The following ADGRL3 variants were observed in gnomAD, a reference collection of about 807,000 sequenced individuals.
ADGRL3 encodes the protein calcium-independent alpha-latrotoxin receptor 3.
Under a neutral mutation model 153.5 loss-of-function variants are expected in ADGRL3, and 62 were observed. The ratio of observed to expected loss-of-function variants is 0.40; its 90% CI spans 0.33 to 0.50. The LOEUF (loss-of-function observed/expected upper bound fraction) is 0.50. Ranked by LOEUF, ADGRL3 falls within the 20% of genes least tolerant of loss-of-function variation. ADGRL3 has a pLI of 0.47. For missense variants in ADGRL3, 1,641 were observed against 1,859.4 expected (o/e 0.88, Z 2.16); for synonymous variants, 710 against 672.5 (o/e 1.06, Z -0.86).
intron 19 of ADGRL3, among the ~76,000 whole-genome samples, chr4:61,984,506 A>G (rs757872821): frequency 2.6e-5 from 4 of 152,140 alleles, no homozygotes; most frequent in Non-Finnish European, 5.9e-5. Context: ...CTTTGAGATT[A>G]CAGTGAGCTG....
At chr4:61,624,403 T>G (rs2092711961) in intron 5 of ADGRL3, among the ~76,000 whole-genome samples, 1 of 151,962 alleles carries the variant, frequency 6.6e-6, no homozygotes, top group East Asian at 1.9e-4. Context: ...GACTCCTGGG[T>G]TTTTTGGTTT....
chr4:61,236,008 C>CTTTTTTTTTTTTTTT (rs55932029), intron 1 of ADGRL3, among the ~76,000 whole-genome samples: 6 of 95,852 alleles, frequency 6.3e-5, no homozygotes, highest in South Asian at 4.0e-4. Context: ...CTTTTCTTTT[C>CTTTTTTTTTTTTTTT]TTTTTTTTTT....
At chr4:61,856,524 C>A (rs2098266793) in intron 9 of ADGRL3, among the ~76,000 whole-genome samples, 1 of 140,628 alleles carries the variant, frequency 7.1e-6, no homozygotes, top group Admixed American at 7.3e-5. Flanking sequence ...CCCTTTCATT[C>A]CTCCCTCTTT....
rs79519460 is a variant in ADGRL3 at position 61,878,297 on chromosome 4, A to G, written c.1481-14359A>G. 8.0e-3 allele frequency among the ~76,000 whole-genome samples: 1,224 copies of G among 152,338 alleles called. 9 individuals are homozygous for G. The highest frequency in any genetic ancestry group is 0.014 in the Non-Finnish European group (964 of 68,032). On this transcript the variant is annotated intron_variant, in intron 9 of 26. Coordinates refer to ENST00000683033, the MANE Select transcript of ADGRL3 (RefSeq NM_001387552.1). ...GTCACATTCTGAAGTACTCAAGATT[A>G]GAACTTCAATGTATGAATTTTGGGG...
chr4:61,978,494 G>T (rs558561932), intron 17 of ADGRL3, among the ~76,000 whole-genome samples: 99 of 152,118 alleles, frequency 6.5e-4, no homozygotes, highest in Non-Finnish European at 8.5e-4. Context: ...GGTATTTATG[G>T]CTCTTCAAAA....
At chr4:61,813,704 T>A in intron 8 of ADGRL3, 105 bp from the exon 9 acceptor site, 1 of 1,328,784 alleles carries the variant, frequency 7.5e-7, no homozygotes, top group Non-Finnish European at 1.0e-6. Flanking sequence ...TAATTTAGGC[T>A]ATTAATTCAG....
At chr4:61,749,116 C>T (rs2096715903) in intron 8 of ADGRL3, among the ~76,000 whole-genome samples, 1 of 152,080 alleles carries the variant, frequency 6.6e-6, no homozygotes, top group Admixed American at 6.5e-5. Flanking sequence ...AAAATGCTCA[C>T]CATCACTGGC....
intron 1 of ADGRL3, among the ~76,000 whole-genome samples, chr4:61,236,878 G>C (rs896762016): frequency 6.6e-6 from 1 of 152,046 alleles, no homozygotes; most frequent in African/African-American, 2.4e-5. Context: ...TTGTAAATCT[G>C]TCTGGACCTG....
intron 2 of ADGRL3, among the ~76,000 whole-genome samples, chr4:61,479,849 A>G (rs2098113443): frequency 6.6e-6 from 1 of 152,130 alleles, no homozygotes; most frequent in South Asian, 2.1e-4. Context: ...AAAATTATCA[A>G]TTTAATTTTT....
intron 2 of ADGRL3, among the ~76,000 whole-genome samples, chr4:61,463,530 C>T (rs112126782): frequency 1.3e-3 from 200 of 152,252 alleles, no homozygotes; most frequent in African/African-American, 4.6e-3. Flanking sequence ...CCATCAGTCC[C>T]TCCCCCAACA....
intron 2 of ADGRL3, among the ~76,000 whole-genome samples, chr4:61,442,529 C>A (rs925400398): frequency 2.0e-5 from 3 of 152,044 alleles, no homozygotes; most frequent in African/African-American, 7.2e-5. Context: ...TATTTCTGAT[C>A]ATCTAGAAGA....
At chr4:62,062,096 C>G (rs1032263777) in intron 25 of ADGRL3, among the ~76,000 whole-genome samples, 4 of 151,976 alleles carry the variant, frequency 2.6e-5, no homozygotes, top group African/African-American at 9.7e-5. Context: ...TATGAATAAT[C>G]ATTTCTCTGC....
rs1172677182 is a variant in ADGRL3, at chr4:61,201,294, A to T, written c.-711A>T. 2 of 153,634 alleles carry T rather than the reference A, an allele frequency of 1.3e-5. No individual in the cohort carries two copies. Among genetic ancestry groups the T allele is most frequent in the Non-Finnish European group, 2.9e-5 (2 of 68,636 alleles). The allele number at this position is 153,634 out of a possible 1,614,324, so 9.5% of individuals were successfully genotyped here. A position where few individuals can be genotyped will look rare whatever the true frequency, so the allele number is the denominator to read the frequency against. Reference sequence around the variant, plus strand: ...CGGCGGCAGCAGCAGCAGCAAGAGAAGGAGAAGCAGCCCCAGCTATGACTG... The same window carrying T: ...CGGCGGCAGCAGCAGCAGCAAGAGATGGAGAAGCAGCCCCAGCTATGACTG... On this transcript the variant is annotated 5_prime_UTR_variant, in exon 1 of 27. It adds an upstream start codon to the 5' untranslated region. Coordinates refer to ENST00000683033, the MANE Select transcript of ADGRL3 (RefSeq NM_001387552.1).
chr4:62,024,457 T>G (rs558833743), intron 21 of ADGRL3, among the ~76,000 whole-genome samples: 105 of 152,146 alleles, frequency 6.9e-4, no homozygotes, highest in Non-Finnish European at 1.3e-3. Context: ...CTTTTGGTAG[T>G]AATACTTAAA....
intron 9 of ADGRL3, among the ~76,000 whole-genome samples, chr4:61,819,193 G>A (rs1288412406): frequency 1.3e-5 from 2 of 152,088 alleles, no homozygotes; most frequent in Non-Finnish European, 2.9e-5. Flanking sequence ...CAAGGGACAT[G>A]GGAGAGAGAG....
At chr4:62,036,388 C>A (rs1029118395) in intron 23 of ADGRL3, among the ~76,000 whole-genome samples, 2 of 152,078 alleles carry the variant, frequency 1.3e-5, no homozygotes, top group African/African-American at 4.8e-5. Context: ...CCCACACCTA[C>A]TTCCCGCAGG....
chr4:61,732,928 A>T lies in ADGRL3; in HGVS notation c.773A>T (p.Asp258Val), dbSNP rs2096463585. 1 of 1,613,738 alleles carries T rather than the reference A, an allele frequency of 6.2e-7. No individual in the cohort carries two copies. Among genetic ancestry groups the T allele is most frequent in the African/African-American group, 1.3e-5 (1 of 75,016 alleles). The change falls in exon 8 of 27, where the codon GAC becomes GTC. Residue 258 changes from aspartate to valine, a missense_variant. Asp to Val is a radical substitution (Grantham distance 152). Around this residue, in one of 5 missense-constraint regions of ADGRL3, gnomAD observed 213 missense variants for 362.1 expected, o/e 0.59. Transcript: ENST00000683033. ...DTLTEYSSKD[D>V]FIAGRPTTTY... ...CTGACTGAGTATTCATCCAAGGATG[A>T]CTTCATTGCTGGAAGACCAACTACA...
In ADGRL3 at chr4:61,346,043, C is replaced by T. The variant is rs574734561; in HGVS notation, c.-239-37081C>T. ...TTCGAGGCCCAGCTGCTCCTGCGCTCACGGCATGTATAATTAATAGCTGAA... is the reference window on the plus strand; with the variant it reads ...TTCGAGGCCCAGCTGCTCCTGCGCTTACGGCATGTATAATTAATAGCTGAA... On this transcript the variant is annotated intron_variant, in intron 1 of 26. Coordinates refer to ENST00000683033, the MANE Select transcript of ADGRL3 (RefSeq NM_001387552.1). 1.1e-3 allele frequency among the ~76,000 whole-genome samples: 161 copies of T among 152,164 alleles called. 1 individual carries two copies. The highest frequency in any genetic ancestry group is 3.8e-3 in the African/African-American group (159 of 41,516).
At chr4:61,340,806 A>G (rs2151127577) in intron 1 of ADGRL3, among the ~76,000 whole-genome samples, 1 of 151,442 alleles carries the variant, frequency 6.6e-6, no homozygotes, top group Admixed American at 6.6e-5. Flanking sequence ...TTGCTGTATT[A>G]TATATTTATG....
Sources: gnomAD v4.1 joint callset for allele counts (sites outside exome capture counted in the v4.1 genomes callset) on GRCh38, gnomAD v4.1.1 for gene constraint, gnomAD v4.1.1 regional missense constraint, MANE v1.5 for transcripts, NCBI Gene and HGNC (gene_info 2026-07-23, HGNC 2026-07-21) for gene names.